The following HNF1B variants were observed in gnomAD, a reference collection of about 807,000 sequenced individuals.
HNF1B encodes HNF1 homeobox B, also known as hepatocyte nuclear factor 1-beta.
Under a neutral mutation model 61.7 loss-of-function variants are expected in HNF1B, and 8 were observed. The observed-to-expected ratio is 0.13, with a 90% CI of 0.08 to 0.23. The LOEUF (loss-of-function observed/expected upper bound fraction) is 0.23, where lower values mean the gene tolerates loss of function less well. Among genes scored for constraint, HNF1B ranks in the 10% least tolerant of loss-of-function variants. The probability of loss-of-function intolerance (pLI) is 1.00; values close to 1 mark genes in which losing one functional copy is unlikely to be tolerated. For synonymous variants in HNF1B, 314 were observed against 287.7 expected, an observed-to-expected ratio of 1.09 and a Z score of -0.93; for missense variants, 562 against 714.5, an observed-to-expected ratio of 0.79 and a Z score of 2.43.
intron 8 of HNF1B, among the ~76,000 whole-genome samples, chr17:37,690,770 T>C (rs1598796566): frequency 6.6e-6 from 1 of 152,220 alleles, no homozygotes; most frequent in Admixed American, 6.5e-5. Context: ...GTTCCTATTT[T>C]AGGCACGTTG....
chr17:37,696,754 A>C (rs2032399475), intron 8 of HNF1B, among the ~76,000 whole-genome samples: 1 of 152,204 alleles, frequency 6.6e-6, no homozygotes, highest in African/African-American at 2.4e-5. Flanking sequence ...TAAGACCTTA[A>C]AACAAAACCA....
intron 1 of HNF1B, among the ~76,000 whole-genome samples, chr17:37,743,776 CG>C (rs2034075431): frequency 6.6e-6 from 1 of 152,214 alleles, no homozygotes; most frequent in Admixed American, 6.5e-5. Context: ...GGGGAGAGGC[CG>C]GGGGTGGGCA....
intron 4 of HNF1B, among the ~76,000 whole-genome samples, chr17:37,716,690 C>A (rs755243575): frequency 6.6e-5 from 10 of 152,164 alleles, no homozygotes; most frequent in Non-Finnish European, 1.2e-4. Flanking sequence ...GTGCCATTCA[C>A]CAGAGACTTT....
chr17:37,715,695 C>G (rs897777459), intron 4 of HNF1B, among the ~76,000 whole-genome samples: 6 of 152,242 alleles, frequency 3.9e-5, no homozygotes, highest in Non-Finnish European at 7.3e-5. Context: ...CACTGCTTCA[C>G]AGTAACTCAC....
chr17:37,742,780 G>T (rs2034035112), intron 1 of HNF1B, among the ~76,000 whole-genome samples: 1 of 151,442 alleles, frequency 6.6e-6, no homozygotes, highest in Non-Finnish European at 1.5e-5. Context: ...GCGACCCGGG[G>T]GCTCCGCGGG....
intron 2 of HNF1B, among the ~76,000 whole-genome samples, chr17:37,734,245 G>T (rs62073545): frequency 0.011 from 1,677 of 152,224 alleles, 24 homozygotes; most frequent in Non-Finnish European, 0.015. Flanking sequence ...ATATTCAGAG[G>T]CTGTAGATAG....
intron 5 of HNF1B, among the ~76,000 whole-genome samples, chr17:37,708,796 C>T (rs1416918540): frequency 6.6e-6 from 1 of 152,164 alleles, no homozygotes; most frequent in Non-Finnish European, 1.5e-5. Flanking sequence ...CAGGAATGCC[C>T]TTTCATTTTT....
At chr17:37,687,948 T>A (rs2032037038) in intron 8 of HNF1B, among the ~76,000 whole-genome samples, 1 of 152,226 alleles carries the variant, frequency 6.6e-6, no homozygotes, top group Admixed American at 6.5e-5. Flanking sequence ...GTGCCAGTGC[T>A]GCTCACCTAG....
At position 37,710,674 on chromosome 17, in the gene HNF1B, A is replaced by C. The variant is rs375528386; in HGVS notation, c.1046-11T>G. The C allele has an allele frequency of 3.7e-6, 6 of 1,612,120 alleles. No homozygotes were observed. Among genetic ancestry groups the C allele is most frequent in the South Asian group, 1.1e-5 (1 of 90,842 alleles). On this transcript the variant is annotated splice_polypyrimidine_tract_variant and intron_variant, in intron 4 of 8. Coordinates refer to ENST00000617811, the MANE Select transcript of HNF1B (RefSeq NM_000458.4). ...GGCTGTAGCGCACTCCTGCAAAACA[A>C]CACAAACCCAGTAGGGAACATTAGT...
At chr17:37,720,919 C>T (rs776896341) in intron 4 of HNF1B, 84 of 985,330 alleles carry the variant, frequency 8.5e-5, no homozygotes, top group Non-Finnish European at 1.0e-4. Context: ...AACGGCCGCT[C>T]ATTTCTGTCT....
chr17:37,733,860 C>A, intron 2 of HNF1B, 39 bp from the exon 3 acceptor site: 1 of 1,601,866 alleles, frequency 6.2e-7, no homozygotes, highest in Non-Finnish European at 8.5e-7. Flanking sequence ...GGGTCTGTAG[C>A]CTTCACTCAG....
intron 6 of HNF1B, among the ~76,000 whole-genome samples, chr17:37,702,287 A>G (rs1459633095): frequency 6.6e-6 from 1 of 152,198 alleles, no homozygotes; most frequent in East Asian, 1.9e-4. Context: ...ATCAATGGAG[A>G]TAACACGGAG....
chr17:37,691,447 A>G (rs555415471), intron 8 of HNF1B, among the ~76,000 whole-genome samples: 1 of 152,238 alleles, frequency 6.6e-6, no homozygotes, highest in Admixed American at 6.5e-5. Context: ...ATGTAAGAGC[A>G]CTTCTTTCAA....
At chr17:37,727,561 TTG>T (rs2033540483) in intron 4 of HNF1B, among the ~76,000 whole-genome samples, 1 of 152,126 alleles carries the variant, frequency 6.6e-6, no homozygotes, top group Non-Finnish European at 1.5e-5. Context: ...TGGTGTGTGA[TTG>T]TAAAGCCAAG....
At chr17:37,722,316 G>A (rs1203429762) in intron 4 of HNF1B, among the ~76,000 whole-genome samples, 1 of 152,158 alleles carries the variant, frequency 6.6e-6, no homozygotes, top group African/African-American at 2.4e-5. Flanking sequence ...AACCTTCCTT[G>A]CCAGGCACTG....
At position 37,744,650 on chromosome 17, in the gene HNF1B, C is replaced by A; in HGVS notation, c.235G>T (p.Gly79Cys). 6.2e-7 allele frequency: 1 copy of A among 1,612,950 alleles called. No homozygotes were observed. The change falls in exon 1 of 9, where the codon GGC (glycine) becomes TGC (cysteine). Residue 79 changes from glycine to cysteine, a missense_variant. Transcript: ENST00000617811. ...HAKGRLSGDE[G>C]SEDGDDYDTP... ...TCATAGTCGTCGCCGTCCTCGGAGC[C>A]CTCGTCGCCGGACAAGCGGCCCTTG...
chr17:37,709,344 G>A (rs1298933164), intron 5 of HNF1B, among the ~76,000 whole-genome samples: 2 of 152,086 alleles, frequency 1.3e-5, no homozygotes, highest in African/African-American at 4.8e-5. Context: ...CTGCCTCCCA[G>A]GCTCAAGTGA....
intron 6 of HNF1B, among the ~76,000 whole-genome samples, chr17:37,704,261 G>C (rs77335578): frequency 2.2e-4 from 33 of 152,342 alleles, no homozygotes; most frequent in Admixed American, 1.9e-3. Flanking sequence ...GCCTCCTGGA[G>C]CTGGAGGGAC....
At chr17:37,741,556 C>G (rs1053310160) in intron 1 of HNF1B, among the ~76,000 whole-genome samples, 1 of 152,204 alleles carries the variant, frequency 6.6e-6, no homozygotes, top group Non-Finnish European at 1.5e-5. Flanking sequence ...GTAAACATCA[C>G]AGATCATTTA....
Sources: gnomAD v4.1 joint callset for allele counts (sites outside exome capture counted in the v4.1 genomes callset) on GRCh38, gnomAD v4.1.1 for gene constraint, MANE v1.5 for transcripts, NCBI Gene and HGNC (gene_info 2026-07-23, HGNC 2026-07-21) for gene names.